The following ESR1 variants were observed in gnomAD, a reference collection of about 807,000 sequenced individuals.
ESR1 encodes the protein estrogen receptor.
A neutral mutation model predicts 52.7 loss-of-function variants in ESR1; 12 were observed. The observed-to-expected ratio is 0.23, with a 90% confidence interval of 0.15 to 0.37. The LOEUF (loss-of-function observed/expected upper bound fraction) is 0.37, where lower values mean the gene tolerates loss of function less well. Among genes scored for constraint, ESR1 ranks in the 10% least tolerant of loss-of-function variants. The probability of loss-of-function intolerance (pLI) is 1.00; values close to 1 mark genes in which losing one functional copy is unlikely to be tolerated. For missense variants in ESR1, 584 were observed against 779.7 expected (o/e 0.75, Z 2.99); for synonymous variants, 305 against 316.8 (o/e 0.96, Z 0.39).
intron 3 of ESR1, among the ~76,000 whole-genome samples, chr6:151,906,718 A>T (rs1480255473): frequency 6.9e-6 from 1 of 144,086 alleles, no homozygotes; most frequent in Non-Finnish European, 1.5e-5. Context: ...ATGCAGCTTG[A>T]CTTTGCTTTA....
At chr6:152,055,723 C>T (rs759470528) in intron 5 of ESR1, among the ~76,000 whole-genome samples, 2 of 152,170 alleles carry the variant, frequency 1.3e-5, no homozygotes, top group Non-Finnish European at 2.9e-5. Flanking sequence ...TACACACTAT[C>T]GGTCTCATTT....
At chr6:152,087,475 A>G (rs1428787092) in intron 6 of ESR1, among the ~76,000 whole-genome samples, 2 of 152,202 alleles carry the variant, frequency 1.3e-5, no homozygotes, top group African/African-American at 4.8e-5. Flanking sequence ...TCAAACACCT[A>G]GCAGTTTATT....
intron 5 of ESR1, among the ~76,000 whole-genome samples, chr6:152,046,360 T>A (rs924721748): frequency 6.6e-6 from 1 of 152,244 alleles, no homozygotes; most frequent in Non-Finnish European, 1.5e-5. Context: ...ACATAATGAA[T>A]GCTACCTATT....
chr6:151,711,180 A>G (rs571342954), intron 2 of ESR1, among the ~76,000 whole-genome samples: 2 of 150,992 alleles, frequency 1.3e-5, no homozygotes, highest in East Asian at 3.9e-4. Context: ...GTGTAAAAGC[A>G]TTCTTATTTC....
At chr6:151,705,952 C>G (rs188309753) in intron 2 of ESR1, among the ~76,000 whole-genome samples, 89 of 152,282 alleles carry the variant, frequency 5.8e-4, no homozygotes, top group African/African-American at 2.1e-3. Context: ...GTGGATTATA[C>G]TAGTTTTCTA....
intron 1 of ESR1, among the ~76,000 whole-genome samples, chr6:151,818,868 T>C (rs1305382294): frequency 6.6e-6 from 1 of 151,906 alleles, no homozygotes; most frequent in Non-Finnish European, 1.5e-5. Flanking sequence ...TATACATATA[T>C]CATATATACT....
chr6:152,030,005 G>T (rs1328336472), intron 5 of ESR1, among the ~76,000 whole-genome samples: 1 of 152,170 alleles, frequency 6.6e-6, no homozygotes, highest in Admixed American at 6.6e-5. Flanking sequence ...TTAAAGAAAA[G>T]AATTTTCAAC....
chr6:151,716,214 G>A (rs1170476794), intron 2 of ESR1, among the ~76,000 whole-genome samples: 1 of 152,120 alleles, frequency 6.6e-6, no homozygotes. Context: ...CTTTGTCCCA[G>A]AGGGGCACCC....
intron 2 of ESR1, among the ~76,000 whole-genome samples, chr6:151,765,366 A>C (rs1784968950): frequency 6.6e-6 from 1 of 152,244 alleles, no homozygotes; most frequent in African/African-American, 2.4e-5. Flanking sequence ...TAAATCAATG[A>C]AATTAATTAA....
At chr6:151,964,230 A>G (rs1667480240) in intron 4 of ESR1, among the ~76,000 whole-genome samples, 1 of 152,172 alleles carries the variant, frequency 6.6e-6, no homozygotes, top group African/African-American at 2.4e-5. Context: ...ATTTGATAGG[A>G]AGTGCATTGA....
upstream of ESR1, chr6:151,807,541 G>A (rs910604664): frequency 1.9e-5 from 7 of 375,804 alleles, no homozygotes; most frequent in African/African-American, 1.0e-4. Flanking sequence ...CTTTGGGATC[G>A]CTCCAAATCG....
intron 4 of ESR1, among the ~76,000 whole-genome samples, chr6:151,978,110 T>G (rs1450019028): frequency 1.3e-5 from 2 of 152,108 alleles, no homozygotes; most frequent in African/African-American, 4.8e-5. Flanking sequence ...TGAAATATGT[T>G]TAAGATGTAG....
At chr6:152,039,414 C>T (rs2045598747) in intron 5 of ESR1, among the ~76,000 whole-genome samples, 1 of 151,880 alleles carries the variant, frequency 6.6e-6, no homozygotes, top group African/African-American at 2.4e-5. Context: ...TCACCCCAGC[C>T]AACACTAACT....
At chr6:151,938,454 C>T (rs1056964909) in intron 3 of ESR1, among the ~76,000 whole-genome samples, 5 of 152,132 alleles carry the variant, frequency 3.3e-5, no homozygotes, top group African/African-American at 1.2e-4. Flanking sequence ...GCATTTGACT[C>T]ATTAGGACAG....
intron 4 of ESR1, among the ~76,000 whole-genome samples, chr6:151,992,025 G>T (rs937055907): frequency 6.6e-6 from 1 of 152,106 alleles, no homozygotes; most frequent in African/African-American, 2.4e-5. Context: ...TGTCGGGGAA[G>T]GCTTCTGTAT....
At chr6:152,055,930 C>A (rs2047064150) in intron 5 of ESR1, among the ~76,000 whole-genome samples, 1 of 152,164 alleles carries the variant, frequency 6.6e-6, no homozygotes, top group African/African-American at 2.4e-5. Context: ...TATCAAACAG[C>A]CATCAAATCC....
At position 151,662,610 on chromosome 6, in the gene ESR1, G is replaced by A. The variant is rs112672517; in HGVS notation, n.73+5847G>A. Among the ~76,000 whole-genome samples the A allele has an allele frequency of 5.3e-4, 80 of 152,212 alleles. 1 individual carries two copies. Among genetic ancestry groups the A allele is most frequent in the Admixed American group, 1.6e-3 (24 of 15,290 alleles). On this transcript the variant is annotated intron_variant and non_coding_transcript_variant, in intron 1 of 2. Transcript: ENST00000473497. ...CCCTGCACCAGCAAATCCACAGGGC[G>A]TGAGATGAAGAGAAGAGAGGACCAC...
At chr6:151,656,826 A>G (rs1009302050) in intron 1 of ESR1, 2 of 152,172 alleles carry the variant, frequency 1.3e-5, no homozygotes, top group African/African-American at 4.8e-5. Flanking sequence ...TAAGATGACT[A>G]TGTAAGGAGG....
chr6:151,855,068 C>T (rs868100434), intron 2 of ESR1, among the ~76,000 whole-genome samples: 1 of 152,138 alleles, frequency 6.6e-6, no homozygotes, highest in African/African-American at 2.4e-5. Context: ...CATGGGCCAC[C>T]ACACCCAACT....
Sources: gnomAD v4.1 joint callset for allele counts (sites outside exome capture counted in the v4.1 genomes callset) on GRCh38, gnomAD v4.1.1 for gene constraint, MANE v1.5 for transcripts, NCBI Gene and HGNC (gene_info 2026-07-23, HGNC 2026-07-21) for gene names.